TAFA1: variants seen among roughly 807,000 people sequenced by gnomAD.
TAFA1 encodes the protein chemokine-like protein TAFA-1.
In TAFA1, 4 loss-of-function variants were observed where a neutral mutation model predicts 18.5. The observed-to-expected ratio is 0.22, with a 90% CI of 0.11 to 0.49. TAFA1 has a LOEUF of 0.49. Among genes scored for constraint, TAFA1 ranks in the 20% least tolerant of loss-of-function variants. TAFA1 has a pLI of 0.98. For synonymous variants in TAFA1, 56 were observed against 55.2 expected (o/e 1.01, Z -0.06); for missense variants, 147 against 169.0 (o/e 0.87, Z 0.72).
At chr3:68,289,977 T>A (rs998414692) in intron 2 of TAFA1, among the ~76,000 whole-genome samples, 1 of 152,214 alleles carries the variant, frequency 6.6e-6, no homozygotes, top group African/African-American at 2.4e-5. Context: ...CCCAGGTGCC[T>A]TGACTCTTAT....
chr3:68,394,180 A>G (rs1424052430), intron 2 of TAFA1, among the ~76,000 whole-genome samples: 1 of 152,224 alleles, frequency 6.6e-6, no homozygotes, highest in Non-Finnish European at 1.5e-5. Context: ...GAGCCAAATC[A>G]TGAGTAAACT....
At chr3:68,256,060 T>C (rs555669957) in intron 2 of TAFA1, among the ~76,000 whole-genome samples, 14 of 152,090 alleles carry the variant, frequency 9.2e-5, no homozygotes, top group Non-Finnish European at 1.5e-4. Flanking sequence ...GAAAAGCGCA[T>C]TGAAATACTT....
chr3:68,236,323 A>G (rs2066926521), intron 2 of TAFA1, among the ~76,000 whole-genome samples: 1 of 152,226 alleles, frequency 6.6e-6, no homozygotes, highest in African/African-American at 2.4e-5. Context: ...CTGGATTTCA[A>G]TGATTCATAC....
chr3:68,542,905 A>C (rs1057001046), intron 4 of TAFA1, among the ~76,000 whole-genome samples: 1 of 152,156 alleles, frequency 6.6e-6, no homozygotes, highest in African/African-American at 2.4e-5. Flanking sequence ...AATCAGATAT[A>C]CATTTGTCTC....
At chr3:68,422,221 A>G (rs2070969652) in intron 3 of TAFA1, among the ~76,000 whole-genome samples, 2 of 152,242 alleles carry the variant, frequency 1.3e-5, no homozygotes, top group Admixed American at 1.3e-4. Flanking sequence ...TCAAAAACTT[A>G]TTGTTAATAG....
At chr3:68,225,372 T>C (rs1453961714) in intron 2 of TAFA1, among the ~76,000 whole-genome samples, 1 of 152,160 alleles carries the variant, frequency 6.6e-6, no homozygotes, top group Non-Finnish European at 1.5e-5. Flanking sequence ...TATAGGGTCA[T>C]CTATTTAAAA....
intron 2 of TAFA1, among the ~76,000 whole-genome samples, chr3:68,357,051 AGAGATAAAGATGCCATG>A (rs1353201339): frequency 3.9e-5 from 6 of 152,036 alleles, no homozygotes; most frequent in African/African-American, 1.4e-4. Context: ...TTTGTCATGC[AGAGATAAAGATGCCATG>A]TATGTGTTTT....
At chr3:68,360,161 G>A (rs753316352) in intron 2 of TAFA1, among the ~76,000 whole-genome samples, 45 of 152,008 alleles carry the variant, frequency 3.0e-4, no homozygotes, top group Non-Finnish European at 6.3e-4. Context: ...GCCTCCTCAT[G>A]CTAAATGTCG....
chr3:68,385,636 T>A (rs1435353466), intron 2 of TAFA1, among the ~76,000 whole-genome samples: 1 of 152,138 alleles, frequency 6.6e-6, no homozygotes, highest in Non-Finnish European at 1.5e-5. Flanking sequence ...AAGTGTTTGC[T>A]ATGACTAGAT....
intron 2 of TAFA1, among the ~76,000 whole-genome samples, chr3:68,340,469 C>G (rs1575789932): frequency 6.6e-6 from 1 of 152,166 alleles, no homozygotes; most frequent in Non-Finnish European, 1.5e-5. Flanking sequence ...AATAGTCTCT[C>G]CTTTGCGAAG....
chr3:68,491,706 A>C (rs1193737471), intron 3 of TAFA1, among the ~76,000 whole-genome samples: 1 of 152,162 alleles, frequency 6.6e-6, no homozygotes, highest in South Asian at 2.1e-4. Context: ...AATAAATTTT[A>C]AAAAAGAGTG....
At chr3:68,405,757 T>C (rs1179839883) in intron 2 of TAFA1, among the ~76,000 whole-genome samples, 1 of 91,702 alleles carries the variant, frequency 1.1e-5, no homozygotes, top group Non-Finnish European at 2.2e-5. Flanking sequence ...ACAAAGTGAG[T>C]ATGCAATGGA....
chr3:68,153,241 A>T (rs771988618), intron 2 of TAFA1, among the ~76,000 whole-genome samples: 8 of 152,198 alleles, frequency 5.3e-5, no homozygotes, highest in Non-Finnish European at 1.0e-4. Context: ...CTATATATAG[A>T]TCCAATAGCA....
intron 2 of TAFA1, among the ~76,000 whole-genome samples, chr3:68,078,351 A>G (rs1441456783): frequency 6.6e-6 from 1 of 151,964 alleles, no homozygotes. Flanking sequence ...CACTATGTTG[A>G]ATAGGAGTGG....
intron 2 of TAFA1, among the ~76,000 whole-genome samples, chr3:68,141,478 T>C (rs1010987563): frequency 6.6e-6 from 1 of 152,236 alleles, no homozygotes; most frequent in African/African-American, 2.4e-5. Context: ...TTTGTCTAAC[T>C]GACTTCTGTC....
chr3:68,164,993 T>A (rs1409586429), intron 2 of TAFA1, among the ~76,000 whole-genome samples: 1 of 152,216 alleles, frequency 6.6e-6, no homozygotes, highest in Non-Finnish European at 1.5e-5. Context: ...CTTCCTTCTA[T>A]GTTGTGAATG....
chr3:68,313,249 A>T (rs2106684826), intron 2 of TAFA1, among the ~76,000 whole-genome samples: 1 of 152,314 alleles, frequency 6.6e-6, no homozygotes, highest in African/African-American at 2.4e-5. Context: ...TTAACAGTAA[A>T]CAATTACATT....
At chr3:68,447,797 C>G (rs1475869659) in intron 3 of TAFA1, among the ~76,000 whole-genome samples, 1 of 152,178 alleles carries the variant, frequency 6.6e-6, no homozygotes, top group Non-Finnish European at 1.5e-5. Flanking sequence ...TATTCTGAAG[C>G]AATGTTCTGC....
At chr3:68,382,572 G>C (rs1177152513) in intron 2 of TAFA1, among the ~76,000 whole-genome samples, 3 of 152,036 alleles carry the variant, frequency 2.0e-5, no homozygotes, top group Admixed American at 6.6e-5. Context: ...TGTTCCATTT[G>C]TCTATGTCTC....
Sources: allele counts gnomAD v4.1 joint callset (sites outside exome capture counted in the v4.1 genomes callset), GRCh38; gene constraint gnomAD v4.1.1; transcripts MANE v1.5; gene names NCBI Gene and HGNC (gene_info 2026-07-23, HGNC 2026-07-21).